CGNL1: variants seen among roughly 807,000 people sequenced by gnomAD.
CGNL1 encodes the protein cingulin like 1, also known as cingulin-like protein 1.
Under a neutral mutation model 141.2 loss-of-function variants are expected in CGNL1, and 132 were observed. The ratio of observed to expected loss-of-function variants is 0.93; its 90% CI spans 0.81 to 1.08. The LOEUF is 1.08. Among genes scored for constraint, CGNL1 ranks in the 50% least tolerant of loss-of-function variants. CGNL1 has a pLI of 0.00. For synonymous variants in CGNL1, 690 were observed against 622.1 expected (o/e 1.11, Z -1.63); for missense variants, 1,870 against 1,588.6 (o/e 1.18, Z -3.01).
chr15:57,435,550 G>C (rs1050874720), intron 1 of CGNL1, among the ~76,000 whole-genome samples: 1 of 151,808 alleles, frequency 6.6e-6, no homozygotes, highest in Non-Finnish European at 1.5e-5. Flanking sequence ...AATGAAAGTT[G>C]ACAATGAAAT....
At chr15:57,459,854 C>G (rs11633253) in intron 7 of CGNL1, among the ~76,000 whole-genome samples, 55,198 of 151,914 alleles carry the variant, frequency 0.36, 10,084 homozygotes, top group Middle Eastern at 0.45. Flanking sequence ...ATGATGAATT[C>G]TCTTGAAATT....
intron 8 of CGNL1, among the ~76,000 whole-genome samples, chr15:57,475,395 C>T (rs750964360): frequency 2.2e-4 from 33 of 152,132 alleles, no homozygotes; most frequent in Non-Finnish European, 4.3e-4. Flanking sequence ...GCAATCCTGA[C>T]CTGCAAGAAA....
At chr15:57,439,647 AAAT>A (rs1176878725) in intron 2 of CGNL1, 46 bp downstream of exon 2, 41 of 1,560,348 alleles carry the variant, frequency 2.6e-5, no homozygotes, top group Non-Finnish European at 3.4e-5. Context: ...TCTTCCTTCT[AAAT>A]AATGTAATGA....
At position 57,522,331 on chromosome 15, in the gene CGNL1, G is replaced by T. The variant is rs149324892; in HGVS notation, c.2716-1158G>T. 8.1e-4 allele frequency among the ~76,000 whole-genome samples: 123 copies of T among 152,340 alleles called. 1 individual carries two copies. In the East Asian group the frequency reaches 0.023, roughly 28 times the overall value. On this transcript the variant is annotated intron_variant, in intron 10 of 18. Coordinates refer to ENST00000281282, the MANE Select transcript of CGNL1 (RefSeq NM_032866.5). The stretch of plus-strand genomic sequence containing the variant: ...ATCACATGGTTGGCAGAGCAGATCT[G>T]TTCCTATGCTCTGCAAACCAGGAGA...
At position 57,409,037 on chromosome 15, in the gene CGNL1, T is replaced by TCTCACACACACACACA. The variant is rs143760210; in HGVS notation, c.-15-28947_-15-28946insTCACACACACACACAC. Among the ~76,000 whole-genome samples the TCTCACACACACACACA allele has an allele frequency of 3.8e-4, 54 of 141,836 alleles. 1 individual carries two copies. Among genetic ancestry groups the TCTCACACACACACACA allele is most frequent in the African/African-American group, 1.3e-3 (50 of 37,826 alleles). The allele number at this position is 141,836 out of a possible 152,430, so 93.0% of individuals were successfully genotyped here. A position where few individuals can be genotyped will look rare whatever the true frequency, so the allele number is the denominator to read the frequency against. The stretch of plus-strand genomic sequence containing the variant: ...GCCTGGGTGAGACAGTGAGACTCTG[T>TCTCACACACACACACA]CACACACACACACACACACACACAC... On this transcript the variant is annotated intron_variant, in intron 1 of 18. Coordinates refer to ENST00000281282, the MANE Select transcript of CGNL1 (RefSeq NM_032866.5).
rs758556825 is a variant in CGNL1 at position 57,544,470 on chromosome 15, C to T, written c.3376-3C>T. ...CCCTCACAGTCTCCCTGTGTTGTTC[C>T]AGAACAAGGACTTAAAGAGCCGGAT... On this transcript the variant is annotated splice_polypyrimidine_tract_variant and splice_region_variant and intron_variant, in intron 15 of 18. Coordinates refer to ENST00000281282, the MANE Select transcript of CGNL1 (RefSeq NM_032866.5). 1 of 1,614,066 alleles carries T rather than the reference C, an allele frequency of 6.2e-7. No homozygotes were observed. Among genetic ancestry groups the T allele is most frequent in the Non-Finnish European group, 8.5e-7 (1 of 1,179,992 alleles).
intron 7 of CGNL1, among the ~76,000 whole-genome samples, chr15:57,460,311 A>G (rs1246281289): frequency 1.3e-5 from 2 of 152,206 alleles, no homozygotes; most frequent in East Asian, 3.8e-4. Flanking sequence ...AGGGACAAAA[A>G]TCATATAGCA....
chr15:57,483,857 T>G (rs2063756496), intron 8 of CGNL1, among the ~76,000 whole-genome samples: 1 of 152,240 alleles, frequency 6.6e-6, no homozygotes, highest in Non-Finnish European at 1.5e-5. Flanking sequence ...TGTTAAATGC[T>G]TTCTCTGCAT....
intron 7 of CGNL1, among the ~76,000 whole-genome samples, chr15:57,457,968 G>C (rs1292223682): frequency 6.6e-6 from 1 of 152,174 alleles, no homozygotes; most frequent in Non-Finnish European, 1.5e-5. Context: ...TGAAGGGAAA[G>C]GGCATTAGGA....
intron 17 of CGNL1, 73 bp from the exon 18 acceptor site, chr15:57,546,003 T>C (rs2140256625): frequency 1.3e-6 from 2 of 1,523,046 alleles, no homozygotes; most frequent in Non-Finnish European, 1.8e-6. Context: ...AGATGGTGGC[T>C]GGACCTGGGG....
At chr15:57,391,773 G>A (rs2062545623) in intron 1 of CGNL1, among the ~76,000 whole-genome samples, 1 of 152,152 alleles carries the variant, frequency 6.6e-6, no homozygotes, top group Non-Finnish European at 1.5e-5. Flanking sequence ...CTCAGTGTTT[G>A]ATGTTTGCCT....
At chr15:57,426,209 A>G (rs868520967) in intron 1 of CGNL1, among the ~76,000 whole-genome samples, 1 of 151,962 alleles carries the variant, frequency 6.6e-6, no homozygotes, top group African/African-American at 2.4e-5. Context: ...CAGGGGCATG[A>G]TCTCGGCTCA....
Position 57,377,583 on chromosome 15 carries a change from C to T in CGNL1, c.-16+1016C>T, listed in dbSNP as rs920236926. 7.9e-5 allele frequency among the ~76,000 whole-genome samples: 12 copies of T among 152,198 alleles called. 1 individual carries two copies. Among genetic ancestry groups the T allele is most frequent in the Admixed American group, 7.9e-4 (12 of 15,280 alleles). On this transcript the variant is annotated intron_variant, in intron 1 of 18. Transcript: ENST00000281282. ...GTCCTCATAGCTCTTCCCTAATCCA[C>T]CTCTCCACCTGAAGAACCTGTTGAT...
intron 8 of CGNL1, among the ~76,000 whole-genome samples, chr15:57,480,577 A>G (rs532435989): frequency 6.6e-6 from 1 of 152,274 alleles, no homozygotes; most frequent in African/African-American, 2.4e-5. Flanking sequence ...AAAAGTTACA[A>G]CCATCATTTG....
At chr15:57,421,866 G>T (rs2062918946) in intron 1 of CGNL1, among the ~76,000 whole-genome samples, 1 of 152,102 alleles carries the variant, frequency 6.6e-6, no homozygotes, top group Admixed American at 6.5e-5. Flanking sequence ...GGATGTGAGT[G>T]ATTGTTCCCA....
intron 1 of CGNL1, among the ~76,000 whole-genome samples, chr15:57,433,487 G>A (rs2063069135): frequency 6.6e-6 from 1 of 152,236 alleles, no homozygotes; most frequent in Non-Finnish European, 1.5e-5. Context: ...GGCTGGCTGA[G>A]GGTTAGACCC....
chr15:57,512,526 G>T (rs1265303993), intron 8 of CGNL1, among the ~76,000 whole-genome samples: 2 of 152,102 alleles, frequency 1.3e-5, no homozygotes, highest in African/African-American at 4.8e-5. Context: ...AAAGGACTAA[G>T]TGTCTCAATA....
intron 4 of CGNL1, among the ~76,000 whole-genome samples, chr15:57,447,379 A>G (rs576661191): frequency 1.3e-5 from 2 of 152,054 alleles, no homozygotes; most frequent in Admixed American, 6.5e-5. Flanking sequence ...GCTGTCATTC[A>G]CTCTCAGTTT....
chr15:57,509,081 G>C (rs1451069166), intron 8 of CGNL1, among the ~76,000 whole-genome samples: 2 of 152,164 alleles, frequency 1.3e-5, no homozygotes, highest in Non-Finnish European at 2.9e-5. Flanking sequence ...TTCAGAGTGA[G>C]GAAGGGACGC....
Sources: allele counts gnomAD v4.1 joint callset (sites outside exome capture counted in the v4.1 genomes callset), GRCh38; gene constraint gnomAD v4.1.1; transcripts MANE v1.5; gene names NCBI Gene and HGNC (gene_info 2026-07-23, HGNC 2026-07-21).